The following USP34 variants were observed in gnomAD, a reference collection of about 807,000 sequenced individuals.
USP34 encodes ubiquitin specific peptidase 34.
Under a neutral mutation model 460.3 loss-of-function variants are expected in USP34, and 70 were observed. The ratio of observed to expected loss-of-function variants is 0.15; its 90% CI spans 0.13 to 0.19. The LOEUF is 0.19. Ranked by LOEUF, USP34 falls within the 10% of genes least tolerant of loss-of-function variation. USP34 has a pLI of 1.00. For missense variants in USP34, 3,985 were observed against 4,236.2 expected (o/e 0.94, Z 1.65); for synonymous variants, 1,647 against 1,405.3 (o/e 1.17, Z -3.85).
intron 1 of USP34, among the ~76,000 whole-genome samples, chr2:61,444,781 A>AT (rs1213281051): frequency 6.6e-6 from 1 of 152,062 alleles, no homozygotes; most frequent in Non-Finnish European, 1.5e-5. Flanking sequence ...CAGCCTCTGC[A>AT]TATATACCTG....
rs772415418 is a variant in USP34 at position 61,333,913 on chromosome 2, C to G, written c.2803G>C (p.Gly935Arg). ...PKLFGTFQQF[G>R]SSYDTHWITM... ...ATCCAGTGTGTATCGTAACTGCTCC[C>G]AAACTGCTGAAAAGTACCAAATAGT... is the stretch of plus-strand genomic sequence containing the variant. Residue 935 changes from glycine (G) to arginine (R), a missense_variant, in exon 19 of 80, where the codon GGG becomes CGG. Gly to Arg is a moderately radical substitution (Grantham distance 125, BLOSUM62 -2). Transcript: ENST00000398571. 2 of 1,592,828 alleles carry G rather than the reference C, an allele frequency of 1.3e-6. No homozygotes were observed. The highest frequency in any genetic ancestry group is 1.7e-6 in the Non-Finnish European group (2 of 1,169,544).
intron 51 of USP34, among the ~76,000 whole-genome samples, chr2:61,242,249 C>G (rs1034288755): frequency 3.3e-5 from 5 of 152,102 alleles, no homozygotes. Flanking sequence ...TGGCACGAAG[C>G]TGTAATTTAT....
At chr2:61,197,054 C>A (rs1686830773) in intron 75 of USP34, among the ~76,000 whole-genome samples, 1 of 152,296 alleles carries the variant, frequency 6.6e-6, no homozygotes, top group East Asian at 1.9e-4. Flanking sequence ...GTTGGTGGAT[C>A]ACTTGAAGTT....
chr2:61,314,784 T>C (rs1690692566), intron 24 of USP34, 40 bp from the exon 25 acceptor site: 1 of 1,580,346 alleles, frequency 6.3e-7, no homozygotes, highest in Non-Finnish European at 8.6e-7. Context: ...TAGCCTTATA[T>C]TCTTGTTTAG....
rs1219169006 is a variant in USP34 at position 61,344,100 on chromosome 2, CCT to C, written c.2286-73_2286-72del. 4.9e-6 allele frequency: 7 copies of C among 1,429,488 alleles called. No individual in the cohort carries two copies. The African/African-American group carries it at 5.6e-5, about 12-fold the overall frequency. 88.6% of individuals were successfully genotyped at this position (1,429,488 alleles called of 1,614,324 possible). A position where few individuals can be genotyped will look rare whatever the true frequency, so the allele number is the denominator to read the frequency against. On this transcript the variant is annotated intron_variant, in intron 15 of 79. Coordinates refer to ENST00000398571, the MANE Select transcript of USP34 (RefSeq NM_014709.4). ...TCTAATTTGTGAACCACAAAAAATA[CCT>C]CTCTTAAACTTACAAATACACTTAG...
At chr2:61,358,406 C>T (rs1692171766) in intron 10 of USP34, among the ~76,000 whole-genome samples, 1 of 151,744 alleles carries the variant, frequency 6.6e-6, no homozygotes, top group Non-Finnish European at 1.5e-5. Flanking sequence ...TAATTGTACA[C>T]GAGAAAATTG....
At chr2:61,433,589 G>A (rs550384870) in intron 1 of USP34, among the ~76,000 whole-genome samples, 64 of 152,084 alleles carry the variant, frequency 4.2e-4, no homozygotes, top group East Asian at 1.2e-3. Flanking sequence ...AACCAAGATC[G>A]TGCCACTGCA....
At chr2:61,237,515 T>C (rs1322176559) in intron 53 of USP34, among the ~76,000 whole-genome samples, 1 of 151,890 alleles carries the variant, frequency 6.6e-6, no homozygotes, top group Non-Finnish European at 1.5e-5. Flanking sequence ...TAGTCCTTTT[T>C]ATACTGTATC....
intron 1 of USP34, among the ~76,000 whole-genome samples, chr2:61,438,624 A>AAAAAC (rs541823709): frequency 0.077 from 639 of 8,284 alleles, no homozygotes; most frequent in African/African-American, 0.24. Context: ...AAACAAAAAC[A>AAAAAC]AAAAAAAAAC....
chr2:61,397,902 GA>G (rs1011246354), intron 3 of USP34, among the ~76,000 whole-genome samples: 167 of 136,302 alleles, frequency 1.2e-3, no homozygotes, highest in African/African-American at 3.5e-3. Flanking sequence ...TCATCTCAAA[GA>G]AAAAAAAAAA....
chr2:61,236,005 T>A, intron 56 of USP34, 21 bp downstream of exon 56: 1 of 1,602,632 alleles, frequency 6.2e-7, no homozygotes, highest in Non-Finnish European at 8.5e-7. Context: ...GACAAAAAAA[T>A]CCATAGTAGA....
At chr2:61,430,307 G>A (rs1694632634) in intron 1 of USP34, among the ~76,000 whole-genome samples, 1 of 152,196 alleles carries the variant, frequency 6.6e-6, no homozygotes, top group Non-Finnish European at 1.5e-5. Context: ...AGTAGGCTGA[G>A]GCAGGAGAAT....
chr2:61,202,070 A>G lies in USP34; in HGVS notation c.9508+1070T>C, dbSNP rs187830577. 3.9e-5 allele frequency among the ~76,000 whole-genome samples: 6 copies of G among 152,338 alleles called. No individual in the cohort carries two copies. In the East Asian group the frequency reaches 1.2e-3, roughly 29 times the overall value. On this transcript the variant is annotated intron_variant, in intron 75 of 79. Coordinates refer to ENST00000398571, the MANE Select transcript of USP34 (RefSeq NM_014709.4). ...TAATAATACCAGGTTACCAGGAACC[A>G]GCTTTCAAATCTAAAAATGCTCTAA... is the stretch of plus-strand genomic sequence containing the variant.
At chr2:61,273,330 A>C (rs1316509204) in intron 41 of USP34, among the ~76,000 whole-genome samples, 2 of 152,230 alleles carry the variant, frequency 1.3e-5, no homozygotes, top group Non-Finnish European at 2.9e-5. Flanking sequence ...AAAGTAACAC[A>C]ATTTTATTTT....
At chr2:61,354,663 CT>C (rs953177625) in intron 10 of USP34, among the ~76,000 whole-genome samples, 2 of 152,114 alleles carry the variant, frequency 1.3e-5, no homozygotes, top group Non-Finnish European at 2.9e-5. Context: ...AAAAGAGTAG[CT>C]TTTTTTCACA....
Position 61,295,001 on chromosome 2 carries a change from T to C in USP34, c.4409A>G (p.Asp1470Gly). The change falls in exon 32 of 80, where the codon GAT (aspartate) becomes GGT (glycine). Residue 1470 changes from aspartate (D) to glycine (G), a missense_variant. This residue lies in a region of USP34 where 1,114 missense variants were observed against 1,122.5 expected (regional missense o/e 0.99). Coordinates refer to ENST00000398571, the MANE Select transcript of USP34 (RefSeq NM_014709.4). The stretch of plus-strand genomic sequence containing the variant: ...TTCCACTTGATCTTCACTTGAATCA[T>C]CTGAATCTGGATAAAGATCACTGTA... ...GSYSDLYPDS[D>G]DSSEDQVENS... The C allele has an allele frequency of 2.5e-6, 4 of 1,613,098 alleles. No homozygotes were observed. The highest frequency in any genetic ancestry group is 3.4e-6 in the Non-Finnish European group (4 of 1,179,628).
At chr2:61,420,232 G>C (rs1694316816) in intron 2 of USP34, among the ~76,000 whole-genome samples, 1 of 152,142 alleles carries the variant, frequency 6.6e-6, no homozygotes, top group Non-Finnish European at 1.5e-5. Flanking sequence ...GCAAAGACTA[G>C]TTAAAATCAC....
chr2:61,412,673 G>A (rs1362306678), intron 2 of USP34, among the ~76,000 whole-genome samples: 1 of 152,040 alleles, frequency 6.6e-6, no homozygotes, highest in East Asian at 1.9e-4. Context: ...ATGACTGCTT[G>A]AACCCAGGAG....
Position 61,430,169 on chromosome 2 carries a change from C to T in USP34, c.44-9336G>A, listed in dbSNP as rs1485072793. 3.4e-5 allele frequency among the ~76,000 whole-genome samples: 5 copies of T among 149,194 alleles called. No homozygotes were observed. The East Asian group carries it at 7.9e-4, about 24-fold the overall frequency. On this transcript the variant is annotated intron_variant, in intron 1 of 79. Coordinates refer to ENST00000398571, the MANE Select transcript of USP34 (RefSeq NM_014709.4). ...GGCGGAACTTTCAGTGAGCCAAGAT[C>T]GTGCCACTGCACTCCCGCCTGGGCG...
Sources: gnomAD v4.1 joint callset for allele counts (sites outside exome capture counted in the v4.1 genomes callset) on GRCh38, gnomAD v4.1.1 for gene constraint, gnomAD v4.1.1 regional missense constraint, MANE v1.5 for transcripts, NCBI Gene and HGNC (gene_info 2026-07-23, HGNC 2026-07-21) for gene names.